Variants in ADAMTSL1 observed in about 807,000 individuals in gnomAD.
ADAMTSL1 encodes ADAMTS like 1.
ADAMTSL1 carries 126 observed loss-of-function variants against 201.8 expected under a neutral mutation model. The ratio of observed to expected loss-of-function variants is 0.62; its 90% CI spans 0.54 to 0.72. ADAMTSL1 has a LOEUF of 0.72. Among genes scored for constraint, ADAMTSL1 ranks in the 30% least tolerant of loss-of-function variants. ADAMTSL1 has a pLI of 0.00. For missense variants in ADAMTSL1, 2,679 were observed against 2,277.8 expected (o/e 1.18, Z -3.59); for synonymous variants, 1,121 against 903.4 (o/e 1.24, Z -4.32).
chr9:18,463,597 T>A lies in ADAMTSL1; in HGVS notation c.208-41232T>A, dbSNP rs1009800037. ...ATCACCATTCTACTCCCTGTCTCTA[T>A]GAATCTTACTACTCTAGGTACCTCA... On this transcript the variant is annotated intron_variant, in intron 2 of 29. Coordinates refer to the ADAMTSL1 transcript ENST00000680146. Among the ~76,000 whole-genome samples, 15 of 152,286 alleles carry A rather than the reference T, an allele frequency of 9.8e-5. No individual in the cohort carries two copies. In the East Asian group the frequency reaches 2.3e-3, roughly 24 times the overall value.
intron 1 of ADAMTSL1, among the ~76,000 whole-genome samples, chr9:18,086,733 G>T (rs1823787571): frequency 6.6e-6 from 1 of 152,152 alleles, no homozygotes; most frequent in Non-Finnish European, 1.5e-5. Flanking sequence ...CAACAAGGAT[G>T]GTTATAATTG....
intron 23 of ADAMTSL1, among the ~76,000 whole-genome samples, chr9:18,846,037 A>G (rs1233992651): frequency 6.6e-6 from 1 of 152,236 alleles, no homozygotes; most frequent in Non-Finnish European, 1.5e-5. Flanking sequence ...AGTGCCTAAT[A>G]TGTGCCAAAC....
chr9:18,586,880 A>G (rs544112066), intron 4 of ADAMTSL1, among the ~76,000 whole-genome samples: 2 of 152,184 alleles, frequency 1.3e-5, no homozygotes, highest in Non-Finnish European at 2.9e-5. Flanking sequence ...TGCTGGGATA[A>G]CTGGCTAGCC....
chr9:18,381,438 C>T (rs1837550114), intron 2 of ADAMTSL1, among the ~76,000 whole-genome samples: 1 of 152,124 alleles, frequency 6.6e-6, no homozygotes, highest in South Asian at 2.1e-4. Flanking sequence ...AATGATAAAG[C>T]TATGGCTTAG....
At chr9:18,864,692 G>A (rs1009286816) in intron 23 of ADAMTSL1, among the ~76,000 whole-genome samples, 17 of 152,150 alleles carry the variant, frequency 1.1e-4, no homozygotes, top group African/African-American at 4.1e-4. Context: ...GTTTCCCTGA[G>A]TCAGGCTGTT....
chr9:18,406,289 T>TTTTTCTTTTGTTTTCTTTTCTTTTC, intron 2 of ADAMTSL1, among the ~76,000 whole-genome samples: 1 of 117,488 alleles, frequency 8.5e-6, no homozygotes, highest in East Asian at 2.5e-4. Flanking sequence ...ATAAGACAGT[T>TTTTTCTTTTGTTTTCTTTTCTTTTC]TTTTCTTTTC....
At chr9:18,418,837 C>T (rs1818810525) in intron 2 of ADAMTSL1, among the ~76,000 whole-genome samples, 1 of 152,160 alleles carries the variant, frequency 6.6e-6, no homozygotes, top group African/African-American at 2.4e-5. Context: ...TAGACACAAT[C>T]TGATTCTACA....
intron 1 of ADAMTSL1, among the ~76,000 whole-genome samples, chr9:18,136,559 A>C (rs1468285426): frequency 6.6e-6 from 1 of 152,110 alleles, no homozygotes; most frequent in African/African-American, 2.4e-5. Context: ...CCGCTATGGC[A>C]CAGGAGAGAA....
intron 1 of ADAMTSL1, among the ~76,000 whole-genome samples, chr9:18,160,476 T>C (rs147259124): frequency 1.9e-4 from 29 of 152,110 alleles, no homozygotes; most frequent in African/African-American, 6.5e-4. Context: ...GTTTTCTCTC[T>C]GCAAAACTAA....
chr9:17,948,846 C>A (rs1382572198), intron 1 of ADAMTSL1, among the ~76,000 whole-genome samples: 2 of 152,136 alleles, frequency 1.3e-5, no homozygotes, highest in Non-Finnish European at 2.9e-5. Flanking sequence ...AAGTGTAAAC[C>A]AAGACTGTTT....
chr9:18,111,596 C>T (rs557505579), intron 1 of ADAMTSL1, among the ~76,000 whole-genome samples: 4 of 152,166 alleles, frequency 2.6e-5, no homozygotes. Context: ...AAATTTCAAG[C>T]ATCATTTAAA....
intron 21 of ADAMTSL1, among the ~76,000 whole-genome samples, chr9:18,820,150 G>A (rs994672578): frequency 6.6e-6 from 1 of 152,138 alleles, no homozygotes; most frequent in African/African-American, 2.4e-5. Context: ...CTCCATAAGG[G>A]CCTGCTTAAA....
intron 10 of ADAMTSL1, among the ~76,000 whole-genome samples, chr9:18,677,523 TAAAGG>T: frequency 6.6e-6 from 1 of 152,082 alleles, no homozygotes; most frequent in African/African-American, 2.4e-5. Context: ...TATTTCAAGA[TAAAGG>T]TAAAGTTGGA....
chr9:18,306,804 G>A (rs972034289), intron 2 of ADAMTSL1, among the ~76,000 whole-genome samples: 1 of 152,140 alleles, frequency 6.6e-6, no homozygotes, highest in Admixed American at 6.5e-5. Context: ...CCCCAACCTA[G>A]CAAGACAGGC....
At chr9:18,087,283 A>T (rs557312744) in intron 1 of ADAMTSL1, among the ~76,000 whole-genome samples, 4 of 152,180 alleles carry the variant, frequency 2.6e-5, no homozygotes, top group Non-Finnish European at 5.9e-5. Context: ...AAATTTAAGC[A>T]AAATATATTT....
intron 16 of ADAMTSL1, among the ~76,000 whole-genome samples, chr9:18,768,261 C>T: frequency 6.6e-6 from 1 of 152,178 alleles, no homozygotes; most frequent in East Asian, 1.9e-4. Context: ...GGTCACACTA[C>T]CCTCCATTGG....
At chr9:18,489,087 C>T (rs190280088) in intron 1 of ADAMTSL1, among the ~76,000 whole-genome samples, 9 of 152,222 alleles carry the variant, frequency 5.9e-5, no homozygotes, top group South Asian at 2.1e-4. Context: ...GATTCTGATA[C>T]GGTTGGTCTG....
intron 23 of ADAMTSL1, among the ~76,000 whole-genome samples, chr9:18,852,907 G>A (rs189823434): frequency 6.6e-6 from 1 of 152,318 alleles, no homozygotes; most frequent in East Asian, 1.9e-4. Flanking sequence ...TGCTGGTAAG[G>A]TAGGATTTCT....
At chr9:18,547,778 G>A (rs1303544111) in intron 3 of ADAMTSL1, among the ~76,000 whole-genome samples, 4 of 151,772 alleles carry the variant, frequency 2.6e-5, no homozygotes, top group Non-Finnish European at 4.4e-5. Context: ...TTCCCTCTGG[G>A]TCTAGACTTG....
Sources: gnomAD v4.1 joint callset for allele counts (sites outside exome capture counted in the v4.1 genomes callset) on GRCh38, gnomAD v4.1.1 for gene constraint, MANE v1.5 for transcripts, NCBI Gene and HGNC (gene_info 2026-07-23, HGNC 2026-07-21) for gene names.